Variants in NUDT6 observed in about 807,000 individuals in gnomAD.
NUDT6 encodes the protein nudix hydrolase 6.
NUDT6 carries 24 observed loss-of-function variants against 36.8 expected under a neutral mutation model. The observed-to-expected ratio is 0.65, with a 90% confidence interval of 0.47 to 0.92. The LOEUF (loss-of-function observed/expected upper bound fraction) is 0.92, where lower values mean the gene tolerates loss of function less well. NUDT6 is among the 40% of genes least tolerant of loss of function. NUDT6 has a pLI of 0.00. For missense variants in NUDT6, 388 were observed against 392.8 expected (o/e 0.99, Z 0.10); for synonymous variants, 163 against 157.0 (o/e 1.04, Z -0.29).
At chr4:122,906,438 C>A (rs1482533871) in intron 3 of NUDT6, among the ~76,000 whole-genome samples, 1 of 152,108 alleles carries the variant, frequency 6.6e-6, no homozygotes, top group Non-Finnish European at 1.5e-5. Context: ...CATTCCTTTC[C>A]ATATGTAAGA....
At chr4:122,894,478 G>C (rs1292924411) in intron 4 of NUDT6, 2 of 152,208 alleles carry the variant, frequency 1.3e-5, no homozygotes, top group East Asian at 3.9e-4. Flanking sequence ...AGATACTTGG[G>C]AGGCTGAGGT....
chr4:122,901,596 A>C (rs1023120185), intron 3 of NUDT6, among the ~76,000 whole-genome samples: 2 of 152,164 alleles, frequency 1.3e-5, no homozygotes, highest in Non-Finnish European at 2.9e-5. Flanking sequence ...AGAAAGGGTA[A>C]ATTTTCTGAT....
intron 1 of NUDT6, chr4:122,918,321 G>C (rs1727895150): frequency 6.6e-6 from 1 of 152,044 alleles, no homozygotes; most frequent in Non-Finnish European, 1.5e-5. Flanking sequence ...TTCTATCTTT[G>C]CCTTCTTTAA....
intron 4 of NUDT6, chr4:122,894,765 T>A (rs1020485341): frequency 1.2e-4 from 18 of 152,176 alleles, no homozygotes; most frequent in African/African-American, 4.3e-4. Context: ...TATGGGGAAA[T>A]ACATGTTTGT....
chr4:122,921,431 C>T (rs1429637118), intron 1 of NUDT6: 1 of 151,912 alleles, frequency 6.6e-6, no homozygotes, highest in African/African-American at 2.4e-5. Flanking sequence ...CACAGTGAGA[C>T]ACCGTTTCTA....
At chr4:122,903,149 T>C (rs1727556528) in intron 3 of NUDT6, among the ~76,000 whole-genome samples, 1 of 152,230 alleles carries the variant, frequency 6.6e-6, no homozygotes, top group Non-Finnish European at 1.5e-5. Flanking sequence ...TATATGTTAA[T>C]TCTTAATTTT....
At chr4:122,909,385 T>C (rs1160491311) in intron 3 of NUDT6, among the ~76,000 whole-genome samples, 1 of 152,218 alleles carries the variant, frequency 6.6e-6, no homozygotes, top group Admixed American at 6.5e-5. Flanking sequence ...GATTATTAAA[T>C]GAGAAACATT....
At chr4:122,919,081 A>G (rs1288241450) in intron 1 of NUDT6, 1 of 152,232 alleles carries the variant, frequency 6.6e-6, no homozygotes, top group Non-Finnish European at 1.5e-5. Context: ...TCACTGCTTC[A>G]GCTGATACAT....
intron 2 of NUDT6, chr4:122,913,182 T>C (rs2150807808): frequency 6.5e-6 from 1 of 152,956 alleles, no homozygotes; most frequent in South Asian, 2.1e-4. Flanking sequence ...CTGGATAGTT[T>C]ATAAACAACA....
intron 3 of NUDT6, among the ~76,000 whole-genome samples, chr4:122,899,061 A>T (rs1186439154): frequency 9.9e-4 from 6 of 6,062 alleles, no homozygotes; most frequent in East Asian, 8.6e-3. Flanking sequence ...TTTTTTTTTT[A>T]GAGATGAGAT....
upstream of NUDT6, chr4:122,922,873 G>A (rs1415126136): frequency 8.9e-6 from 5 of 563,422 alleles, no homozygotes; most frequent in Non-Finnish European, 1.6e-5. Context: ...ATGCAAAAAC[G>A]TCCTGTTTTT....
chr4:122,911,983 G>A (rs986650349), intron 3 of NUDT6, among the ~76,000 whole-genome samples: 3 of 151,952 alleles, frequency 2.0e-5, no homozygotes, highest in Non-Finnish European at 4.4e-5. Context: ...CCCTTTCTGA[G>A]CTCTGTGCCT....
rs1232617434 is a variant in NUDT6 at position 122,917,645 on chromosome 4, G to A, written c.298C>T (p.Leu100Phe). 6.2e-7 allele frequency: 1 copy of A among 1,614,192 alleles called. No homozygotes were observed. Among genetic ancestry groups the A allele is most frequent in the East Asian group, 2.2e-5 (1 of 44,884 alleles). Residue 100 changes from leucine (L) to phenylalanine (F), a missense_variant, in exon 2 of 5, where the codon CTC becomes TTC. Coordinates refer to ENST00000304430, the MANE Select transcript of NUDT6 (RefSeq NM_007083.5). ...RTAVWLHIPILQSRFIAPAAS... is the reference protein window; with the variant it reads ...RTAVWLHIPIFQSRFIAPAAS... ...GCAGGGGCAATAAATCGGCTTTGGAGGATGGGAATGTGCAGCCATACAGCT... is the reference window on the plus strand; with the variant it reads ...GCAGGGGCAATAAATCGGCTTTGGAAGATGGGAATGTGCAGCCATACAGCT...
intron 1 of NUDT6, 32 bp from the exon 2 acceptor site, chr4:122,917,736 TC>T: frequency 6.2e-7 from 1 of 1,600,462 alleles, no homozygotes. Context: ...CTAAATAATT[TC>T]CAAAGAGACG....
At chr4:122,904,181 T>C (rs1727575149) in intron 3 of NUDT6, among the ~76,000 whole-genome samples, 1 of 152,172 alleles carries the variant, frequency 6.6e-6, no homozygotes, top group South Asian at 2.1e-4. Flanking sequence ...GGAAGGAGAC[T>C]GACCATTAGC....
rs113708696 is a variant in NUDT6, at chr4:122,899,044, A to AT, written c.499-1367dup. Reference sequence around the variant, plus strand: ...CTACAGGTGTGCACCACCACACCTAATTTTTTTTTTTTTTTTAGAGATGAG... The same window carrying AT: ...CTACAGGTGTGCACCACCACACCTAATTTTTTTTTTTTTTTTTAGAGATGAG... On this transcript the variant is annotated intron_variant, in intron 3 of 4. Transcript: ENST00000304430. Among the ~76,000 whole-genome samples, 44 of 69,412 alleles carry AT rather than the reference A, an allele frequency of 6.3e-4. 5 individuals are homozygous for AT. Among genetic ancestry groups the AT allele is most frequent in the Middle Eastern group, 7.5e-3 (1 of 134 alleles). 45.5% of individuals were successfully genotyped at this position (69,412 alleles called of 152,430 possible). A position where few individuals can be genotyped will look rare whatever the true frequency, so the allele number is the denominator to read the frequency against.
At chr4:122,912,400 T>C (rs909362751) in intron 3 of NUDT6, among the ~76,000 whole-genome samples, 168 bp downstream of exon 3, 1 of 152,176 alleles carries the variant, frequency 6.6e-6, no homozygotes, top group African/African-American at 2.4e-5. Flanking sequence ...AAGGTCTGTA[T>C]AAGTAGTTTG....
chr4:122,912,185 A>G lies in NUDT6; in HGVS notation c.498+383T>C, dbSNP rs191574932. Among the ~76,000 whole-genome samples the G allele has an allele frequency of 4.6e-5, 7 of 152,296 alleles. No individual in the cohort carries two copies. The East Asian group carries it at 1.3e-3, about 29-fold the overall frequency. ...TCTTTCCAAATAAATAGTAAGCTGC[A>G]GGGCATAAGGTATATCGTCTTACTG... is the stretch of plus-strand genomic sequence containing the variant. On this transcript the variant is annotated intron_variant, in intron 3 of 4. Transcript: ENST00000304430.
chr4:122,900,587 CAG>C (rs1727502188), intron 3 of NUDT6, among the ~76,000 whole-genome samples: 1 of 151,622 alleles, frequency 6.6e-6, no homozygotes, highest in Non-Finnish European at 1.5e-5. Context: ...GTGATAAACT[CAG>C]TGTTAAAATC....
Sources: allele counts gnomAD v4.1 joint callset (sites outside exome capture counted in the v4.1 genomes callset), GRCh38; gene constraint gnomAD v4.1.1; transcripts MANE v1.5; gene names NCBI Gene and HGNC (gene_info 2026-07-23, HGNC 2026-07-21).